LRP1B: variants seen among roughly 807,000 people sequenced by gnomAD.
LRP1B encodes LDL receptor related protein 1B.
Under a neutral mutation model 556.6 loss-of-function variants are expected in LRP1B, and 217 were observed. The ratio of observed to expected loss-of-function variants is 0.39; its 90% confidence interval spans 0.35 to 0.44. The LOEUF is 0.44. LRP1B is among the 20% of genes least tolerant of loss of function. The pLI, the probability that LRP1B is intolerant of heterozygous loss-of-function variation, is 1.00. For synonymous variants in LRP1B, 2,047 were observed against 1,865.8 expected, an observed-to-expected ratio of 1.10 and a Z score of -2.50; for missense variants, 5,053 against 5,620.8, an observed-to-expected ratio of 0.90 and a Z score of 3.23.
At chr2:140,347,359 TAACTATA>T (rs1282541879) in intron 77 of LRP1B, among the ~76,000 whole-genome samples, 4 of 151,764 alleles carry the variant, frequency 2.6e-5, no homozygotes, top group Non-Finnish European at 4.4e-5. Context: ...TATTTCTAAC[TAACTATA>T]AACAACTTGA....
intron 2 of LRP1B, among the ~76,000 whole-genome samples, chr2:141,544,368 T>TTCTTCTTCTTCTTCTTCC (rs1559131476): frequency 1.8e-5 from 2 of 109,868 alleles, no homozygotes; most frequent in Admixed American, 1.1e-4. Context: ...CTTCTTCTTC[T>TTCTTCTTCTTCTTCTTCC]TCTTCTTCTT....
chr2:141,378,295 G>T (rs1190541276), intron 3 of LRP1B, among the ~76,000 whole-genome samples: 3 of 152,100 alleles, frequency 2.0e-5, no homozygotes, highest in African/African-American at 4.8e-5. Context: ...TTTAGACAAA[G>T]ATTTTAAAGC....
chr2:141,234,164 T>C (rs572621842), intron 5 of LRP1B, among the ~76,000 whole-genome samples: 3 of 149,840 alleles, frequency 2.0e-5, no homozygotes, highest in Admixed American at 6.6e-5. Context: ...ACTTCAAAGA[T>C]TGAAAGAGGT....
At chr2:141,721,223 AATTTGCAAAGTTTTTATTCAAAAGTGTGC>A (rs1270857708) in intron 2 of LRP1B, among the ~76,000 whole-genome samples, 1 of 152,164 alleles carries the variant, frequency 6.6e-6, no homozygotes, top group Non-Finnish European at 1.5e-5. Flanking sequence ...ATTTAATTCC[AATTTGCAAAGTTTTTATTCAAAAGTGTGC>A]TTGACTGGTT....
At chr2:141,787,905 C>A (rs1695478201) in intron 2 of LRP1B, among the ~76,000 whole-genome samples, 1 of 151,762 alleles carries the variant, frequency 6.6e-6, no homozygotes, top group Non-Finnish European at 1.5e-5. Context: ...TTTACTTTTC[C>A]ATAAGTTTAT....
intron 2 of LRP1B, among the ~76,000 whole-genome samples, chr2:141,792,628 C>A (rs947474480): frequency 3.3e-5 from 5 of 152,054 alleles, no homozygotes; most frequent in Non-Finnish European, 5.9e-5. Flanking sequence ...AAAGACTATG[C>A]CCTAAAAGAT....
chr2:141,538,693 G>A (rs1685146025), intron 2 of LRP1B, among the ~76,000 whole-genome samples: 1 of 150,038 alleles, frequency 6.7e-6, no homozygotes, highest in South Asian at 2.1e-4. Flanking sequence ...CTGGAGTGCA[G>A]CAGCACAATG....
At chr2:140,974,473 TCTC>T (rs1696530554) in intron 18 of LRP1B, among the ~76,000 whole-genome samples, 1 of 152,208 alleles carries the variant, frequency 6.6e-6, no homozygotes, top group African/African-American at 2.4e-5. Flanking sequence ...AGTGCTTCCG[TCTC>T]CTTATTTATA....
At chr2:141,703,620 A>C (rs750294498) in intron 2 of LRP1B, among the ~76,000 whole-genome samples, 1 of 151,796 alleles carries the variant, frequency 6.6e-6, no homozygotes, top group Admixed American at 6.6e-5. Flanking sequence ...CTTTCATTCA[A>C]CTCCCACATA....
chr2:141,977,857 C>G (rs933968350), intron 1 of LRP1B, among the ~76,000 whole-genome samples: 5 of 152,094 alleles, frequency 3.3e-5, no homozygotes, highest in African/African-American at 1.2e-4. Context: ...TGTTTCTATT[C>G]TCTGTGGTTC....
chr2:140,810,732 C>T (rs928455641), intron 32 of LRP1B, among the ~76,000 whole-genome samples: 19 of 151,994 alleles, frequency 1.3e-4, no homozygotes, highest in African/African-American at 3.4e-4. Context: ...AAAGGCATTA[C>T]GAGGTTTTTT....
intron 35 of LRP1B, among the ~76,000 whole-genome samples, chr2:140,722,521 T>A (rs936350424): frequency 1.3e-4 from 20 of 152,152 alleles, no homozygotes; most frequent in Non-Finnish European, 2.5e-4. Context: ...CATTAATACC[T>A]CTTAGTACAG....
intron 2 of LRP1B, among the ~76,000 whole-genome samples, chr2:141,729,212 C>T: frequency 6.6e-6 from 1 of 152,292 alleles, no homozygotes; most frequent in East Asian, 1.9e-4. Flanking sequence ...CCTACAGCTT[C>T]CCCTGACAGC....
At chr2:141,469,963 G>C (rs1247703883) in intron 3 of LRP1B, among the ~76,000 whole-genome samples, 1 of 152,112 alleles carries the variant, frequency 6.6e-6, no homozygotes, top group Non-Finnish European at 1.5e-5. Context: ...TCTATTTTAT[G>C]ATTATTGATG....
intron 2 of LRP1B, among the ~76,000 whole-genome samples, chr2:141,702,305 A>G (rs1691968753): frequency 6.6e-6 from 1 of 151,894 alleles, no homozygotes; most frequent in Non-Finnish European, 1.5e-5. Flanking sequence ...GTATAAGGCA[A>G]TAAGAATTTC....
chr2:140,629,457 A>G (rs1010731236), intron 41 of LRP1B, among the ~76,000 whole-genome samples: 6 of 152,104 alleles, frequency 3.9e-5, no homozygotes, highest in African/African-American at 1.4e-4. Flanking sequence ...AATTTATACT[A>G]CAGTATACCA....
At chr2:140,641,943 G>T (rs898271456) in intron 41 of LRP1B, among the ~76,000 whole-genome samples, 2 of 152,184 alleles carry the variant, frequency 1.3e-5, no homozygotes, top group Non-Finnish European at 2.9e-5. Flanking sequence ...GAACAATGTA[G>T]CAAATTACAA....
intron 3 of LRP1B, among the ~76,000 whole-genome samples, chr2:141,449,771 T>C (rs11351448): frequency 6.6e-6 from 1 of 152,062 alleles, no homozygotes; most frequent in Non-Finnish European, 1.5e-5. Context: ...AAATGTAAAC[T>C]TTTTTGTGGA....
At chr2:140,852,251 C>T (rs1692482019) in intron 27 of LRP1B, among the ~76,000 whole-genome samples, 2 of 152,116 alleles carry the variant, frequency 1.3e-5, no homozygotes, top group Non-Finnish European at 1.5e-5. Context: ...CACTTGAACC[C>T]GGGAGGCGGA....
Sources: allele counts gnomAD v4.1 joint callset (sites outside exome capture counted in the v4.1 genomes callset), GRCh38; gene constraint gnomAD v4.1.1; transcripts MANE v1.5; gene names NCBI Gene and HGNC (gene_info 2026-07-23, HGNC 2026-07-21).